Variants in TDRKH observed in about 807,000 individuals in gnomAD.
TDRKH encodes tudor and KH domain containing, also known as tudor and KH domain-containing protein.
TDRKH carries 28 observed loss-of-function variants against 61.3 expected under a neutral mutation model. The observed-to-expected ratio is 0.46, with a 90% confidence interval of 0.34 to 0.63. TDRKH has a LOEUF of 0.63. TDRKH is among the 20% of genes least tolerant of loss of function. The pLI is 0.01. For missense variants in TDRKH, 540 were observed against 683.4 expected (o/e 0.79, Z 2.34); for synonymous variants, 219 against 244.4 (o/e 0.90, Z 0.97).
intron 3 of TDRKH, 71 bp from the exon 4 acceptor site, chr1:151,780,211 A>G: frequency 1.3e-6 from 2 of 1,517,500 alleles, no homozygotes; most frequent in Non-Finnish European, 1.8e-6. Flanking sequence ...CAGACACTCT[A>G]AAACAAACCC....
At chr1:151,775,310 A>C in intron 10 of TDRKH, 82 bp downstream of exon 10, 1 of 1,556,910 alleles carries the variant, frequency 6.4e-7, no homozygotes, top group East Asian at 2.2e-5. Context: ...AATATCAGAT[A>C]AGGGTTTCTG....
At chr1:151,782,179 T>A (rs1482679766) in intron 2 of TDRKH, among the ~76,000 whole-genome samples, 1 of 152,224 alleles carries the variant, frequency 6.6e-6, no homozygotes, top group Non-Finnish European at 1.5e-5. Context: ...TAGCAAAGAC[T>A]AGGCCAGGTG....
chr1:151,775,002 C>A (rs1649014156), intron 11 of TDRKH, 63 bp downstream of exon 11: 2 of 1,524,424 alleles, frequency 1.3e-6, no homozygotes, highest in Non-Finnish European at 1.8e-6. Context: ...GGACTAGAAG[C>A]CCTTAGTGTC....
In TDRKH at chr1:151,777,183, G is replaced by A. The variant is rs1426602058; in HGVS notation, c.884-584C>T. Among the ~76,000 whole-genome samples, 13 of 152,228 alleles carry A rather than the reference G, an allele frequency of 8.5e-5. 1 individual carries two copies. The South Asian group carries it at 1.0e-3, about 12-fold the overall frequency. On this transcript the variant is annotated intron_variant, in intron 6 of 12. Coordinates refer to ENST00000368824, the MANE Select transcript of TDRKH (RefSeq NM_001083965.2). ...GTCTAGGCTGGGCATGGTGGCTCAT[G>A]CCTGTAATCCCAGCACTTTGGGAGG...
chr1:151,782,777 C>A (rs1649953834), intron 2 of TDRKH, 122 bp downstream of exon 2: 5 of 1,343,142 alleles, frequency 3.7e-6, no homozygotes, highest in East Asian at 5.5e-5. Context: ...CTCAAAAAAA[C>A]CCCACAAAAA....
At chr1:151,771,747 C>T, downstream of TDRKH, 1 of 392,340 alleles carries the variant, frequency 2.5e-6, no homozygotes, top group East Asian at 3.6e-5. Flanking sequence ...AACAGAATGA[C>T]AAAGAACCCA....
downstream of TDRKH, among the ~76,000 whole-genome samples, chr1:151,772,656 T>C (rs550656156): frequency 2.6e-5 from 4 of 152,198 alleles, no homozygotes; most frequent in Non-Finnish European, 5.9e-5. Context: ...AGCCTCGCAT[T>C]TGAGCCTCAC....
intron 1 of TDRKH, among the ~76,000 whole-genome samples, chr1:151,789,029 G>A (rs1382634409): frequency 6.6e-6 from 1 of 152,202 alleles, no homozygotes; most frequent in African/African-American, 2.4e-5. Context: ...GATGGAGATG[G>A]AGAACAGATG....
At position 151,778,918 on chromosome 1, in the gene TDRKH, G is replaced by A. The variant is rs376261324; in HGVS notation, c.650C>T (p.Pro217Leu). 59 of 1,614,032 alleles carry A rather than the reference G, an allele frequency of 3.7e-5. No homozygotes were observed. Among genetic ancestry groups the A allele is most frequent in the Non-Finnish European group, 4.6e-5 (54 of 1,180,042 alleles). The change falls in exon 6 of 13, where the codon CCA becomes CTA. Residue 217 changes from proline (P) to leucine (L), a missense_variant. By Grantham distance (98) the Pro-to-Leu change is moderately conservative (BLOSUM62 -3). Transcript: ENST00000368824. ...CATGTCTTCTCTTCTCACACTGATT[G>A]GCTGTTTGCGTGGGACCCTGGTTTC... ...SAETRVPRKQ[P>L]ISVRREDMTE...
intron 1 of TDRKH, among the ~76,000 whole-genome samples, chr1:151,788,469 A>C (rs967166927): frequency 1.3e-5 from 2 of 152,194 alleles, no homozygotes; most frequent in African/African-American, 4.8e-5. Flanking sequence ...CCTGTGAACA[A>C]GAATAAACTG....
chr1:151,790,059 T>C (rs557962690), intron 1 of TDRKH, among the ~76,000 whole-genome samples: 5 of 152,196 alleles, frequency 3.3e-5, no homozygotes, highest in Non-Finnish European at 5.9e-5. Flanking sequence ...CAAAGTGATA[T>C]ACGGATGGCA....
chr1:151,776,413 C>G, intron 7 of TDRKH, 26 bp downstream of exon 7: 1 of 1,612,068 alleles, frequency 6.2e-7, no homozygotes, highest in Non-Finnish European at 8.5e-7. Context: ...TCATTAAACC[C>G]CAGCCCTGTC....
intron 1 of TDRKH, among the ~76,000 whole-genome samples, chr1:151,790,084 A>G (rs1039282416): frequency 6.6e-6 from 1 of 152,204 alleles, no homozygotes; most frequent in Non-Finnish European, 1.5e-5. Context: ...TCAGTCTCAA[A>G]AAGGCCCAGT....
downstream of TDRKH, chr1:151,769,286 A>AGGGGGCGGTGGCCGGGCGGGGG (rs1648509475): frequency 1.4e-5 from 1 of 71,886 alleles, no homozygotes; most frequent in Non-Finnish European, 2.9e-5. Flanking sequence ...CCGGGTGGGG[A>AGGGGGCGGTGGCCGGGCGGGGG]CTGCCCCCCA....
rs1292153934 is a variant in TDRKH, at chr1:151,775,377, G to A, written c.1434+15C>T. On this transcript the variant is annotated intron_variant, in intron 10 of 12. Coordinates refer to ENST00000368824, the MANE Select transcript of TDRKH (RefSeq NM_001083965.2). Reference sequence around the variant, plus strand: ...ACTGAAGATATGGCAAGCAGTGAGTGAATGCCAGTCTTACCTTCCCATTGC... The same window carrying A: ...ACTGAAGATATGGCAAGCAGTGAGTAAATGCCAGTCTTACCTTCCCATTGC... 2 of 1,606,082 alleles carry A rather than the reference G, an allele frequency of 1.2e-6. No individual in the cohort carries two copies. Among genetic ancestry groups the A allele is most frequent in the Non-Finnish European group, 1.7e-6 (2 of 1,176,954 alleles).
downstream of TDRKH, chr1:151,768,030 T>C (rs756092084): frequency 6.2e-7 from 1 of 1,613,346 alleles, no homozygotes; most frequent in Non-Finnish European, 8.5e-7. Context: ...ATTTGAAGAC[T>C]AGAGGAGCAT....
At chr1:151,771,923 C>T (rs1441914118), downstream of TDRKH, 4 of 398,566 alleles carry the variant, frequency 1.0e-5, no homozygotes, top group Non-Finnish European at 1.8e-5. Flanking sequence ...AGGTTCCCTA[C>T]GGAACTCTGG....
Position 151,774,332 on chromosome 1 carries a change from GA to G in TDRKH, c.*119del. On this transcript the variant is annotated 3_prime_UTR_variant, in exon 13 of 13. Coordinates refer to ENST00000368824, the MANE Select transcript of TDRKH (RefSeq NM_001083965.2). ...AGAAGTATATTAAGACAGGGCATGG[GA>G]AAGAGGGAATCAAAGCAAGTGCCCC... The G allele has an allele frequency of 6.1e-6, 6 of 984,978 alleles. No individual in the cohort carries two copies. Among genetic ancestry groups the G allele is most frequent in the Non-Finnish European group, 7.6e-6 (5 of 656,984 alleles). 61.0% of individuals were successfully genotyped at this position (984,978 alleles called of 1,614,324 possible). A position where few individuals can be genotyped will look rare whatever the true frequency, so the allele number is the denominator to read the frequency against.
downstream of TDRKH, chr1:151,768,145 A>T (rs1174706241): frequency 1.9e-6 from 3 of 1,613,456 alleles, no homozygotes; most frequent in Non-Finnish European, 2.5e-6. Context: ...TACCTCCCAG[A>T]CCTCTGCCCA....
Sources: allele counts gnomAD v4.1 joint callset (sites outside exome capture counted in the v4.1 genomes callset), GRCh38; gene constraint gnomAD v4.1.1; transcripts MANE v1.5; gene names NCBI Gene and HGNC (gene_info 2026-07-23, HGNC 2026-07-21).